UACA: variants seen among roughly 807,000 people sequenced by gnomAD.
UACA encodes the protein nuclear membrane binding protein.
Under a neutral mutation model 160.5 loss-of-function variants are expected in UACA, and 112 were observed. The ratio of observed to expected loss-of-function variants is 0.70; its 90% CI spans 0.60 to 0.82. The LOEUF (loss-of-function observed/expected upper bound fraction) is 0.82, where lower values mean the gene tolerates loss of function less well. Ranked by LOEUF, UACA falls within the 40% of genes least tolerant of loss-of-function variation. UACA has a pLI of 0.00. For synonymous variants in UACA, 557 were observed against 568.4 expected (o/e 0.98, Z 0.29); for missense variants, 1,574 against 1,614.6 (o/e 0.97, Z 0.43).
Position 70,669,371 on chromosome 15 carries a change from T to G in UACA, c.1313A>C (p.Glu438Ala). The G allele has an allele frequency of 6.2e-7, 1 of 1,614,016 alleles. No homozygotes were observed. Among genetic ancestry groups the G allele is most frequent in the Non-Finnish European group, 8.5e-7 (1 of 1,179,962 alleles). ...LSLPSQTSYS[E>A]NEILKKELEA... ...TAACTCTTTCTTTAAAATTTCATTT[T>G]CAGAGTATGACGTTTGACTGGGTAA... The change falls in exon 16 of 19, where the codon GAA becomes GCA. Residue 438 changes from glutamate to alanine, a missense_variant. Glu to Ala is a moderately radical substitution (Grantham distance 107). Transcript: ENST00000322954.
rs1899588170 is a variant in UACA, at chr15:70,743,091, T to C, written c.78+20239A>G. Reference sequence around the variant, plus strand: ...ATAGGACTGAGGTCCCCGTTTCTGATGGGTTGTTAACCACAAGCCTCTCTT... The same window carrying C: ...ATAGGACTGAGGTCCCCGTTTCTGACGGGTTGTTAACCACAAGCCTCTCTT... On this transcript the variant is annotated intron_variant, in intron 1 of 18. Transcript: ENST00000322954. Among the ~76,000 whole-genome samples the C allele has an allele frequency of 2.6e-5, 4 of 152,220 alleles. No homozygotes were observed. The South Asian group carries it at 8.3e-4, about 32-fold the overall frequency.
intron 1 of UACA, among the ~76,000 whole-genome samples, chr15:70,722,426 T>C (rs1453089971): frequency 6.6e-6 from 1 of 151,670 alleles, no homozygotes; most frequent in East Asian, 1.9e-4. Flanking sequence ...CAAATGAGCC[T>C]CTCACCTCAG....
At position 70,669,000 on chromosome 15, in the gene UACA, T is replaced by TC; in HGVS notation, c.1683dup (p.Lys562GlufsTer10). ...TTTTGTTTGATTTGGTTTCTTAATT[T>TC]CCCCACTTCTGCTGAAGCACCTTCA... On this transcript the variant is annotated frameshift_variant, in exon 16 of 19. Coordinates refer to ENST00000322954, the MANE Select transcript of UACA (RefSeq NM_018003.4). LOFTEE classifies it high-confidence loss of function. 1 of 1,613,904 alleles carries TC rather than the reference T, an allele frequency of 6.2e-7. No homozygotes were observed. The highest frequency in any genetic ancestry group is 8.5e-7 in the Non-Finnish European group (1 of 1,179,996).
At chr15:70,699,340 T>C (rs1898243446) in intron 2 of UACA, among the ~76,000 whole-genome samples, 187 bp downstream of exon 2, 1 of 152,122 alleles carries the variant, frequency 6.6e-6, no homozygotes, top group Non-Finnish European at 1.5e-5. Flanking sequence ...TATTCTAGTG[T>C]TCCCTCTCTA....
chr15:70,684,155 T>C (rs1772216243), intron 8 of UACA, 110 bp downstream of exon 8: 1 of 899,038 alleles, frequency 1.1e-6, no homozygotes, highest in African/African-American at 1.7e-5. Context: ...ATACTGTTTA[T>C]CAGTAAGGAA....
At chr15:70,680,287 T>A (rs189157167) in intron 9 of UACA, among the ~76,000 whole-genome samples, 32 of 152,282 alleles carry the variant, frequency 2.1e-4, no homozygotes, top group Admixed American at 6.5e-5. Flanking sequence ...AAAAACAACA[T>A]AATTATTAAA....
intron 3 of UACA, among the ~76,000 whole-genome samples, chr15:70,694,155 A>G (rs962132075): frequency 1.3e-5 from 2 of 152,206 alleles, no homozygotes; most frequent in African/African-American, 4.8e-5. Flanking sequence ...AAAACAAAGT[A>G]TAACTGCAAA....
At chr15:70,748,555 G>A (rs911188335) in intron 1 of UACA, among the ~76,000 whole-genome samples, 2 of 152,150 alleles carry the variant, frequency 1.3e-5, no homozygotes, top group South Asian at 4.1e-4. Context: ...AATTTATAGA[G>A]TGCAGGTCCT....
intron 1 of UACA, among the ~76,000 whole-genome samples, chr15:70,700,316 T>TACACACACACACAC (rs1445933630): frequency 4.9e-5 from 7 of 142,586 alleles, no homozygotes; most frequent in African/African-American, 2.0e-4. Flanking sequence ...TATATATATA[T>TACACACACACACAC]ATACACACAC....
In UACA at chr15:70,664,674, C is replaced by T; in HGVS notation, c.4101G>A (p.Glu1367=). Reference sequence around the variant, plus strand: ...CCTGGTTACTCACGGCCAGCTGTTGCTCCAGAGATTTCACTTGGTGCTGCA... The same window carrying T: ...CCTGGTTACTCACGGCCAGCTGTTGTTCCAGAGATTTCACTTGGTGCTGCA... ...DTLQHQVKSL[E]QQLADADRQH... Residue 1367 remains glutamate, a synonymous_variant, in exon 17 of 19, where the codon GAG becomes GAA. Transcript: ENST00000322954. 6.2e-7 allele frequency: 1 copy of T among 1,610,906 alleles called. No homozygotes were observed. Among genetic ancestry groups the T allele is most frequent in the Non-Finnish European group, 8.5e-7 (1 of 1,178,610 alleles).
intron 1 of UACA, chr15:70,703,181 T>C (rs773772746): frequency 7.8e-7 from 1 of 1,282,690 alleles, no homozygotes; most frequent in South Asian, 1.2e-5. Flanking sequence ...TTGTGGTGGC[T>C]GTTGTTGTTG....
In UACA at chr15:70,699,384, A is replaced by G. The variant is rs867940494; in HGVS notation, c.212+143T>C. 9.4e-6 allele frequency: 8 copies of G among 846,602 alleles called. No individual in the cohort carries two copies. In the Middle Eastern group the frequency reaches 9.3e-4, roughly 99 times the overall value. The allele number at this position is 846,602 out of a possible 1,614,324, so 52.4% of individuals were successfully genotyped here. A position where few individuals can be genotyped will look rare whatever the true frequency, so the allele number is the denominator to read the frequency against. ...ATATTTTAAATTGAGAACAATTATT[A>G]GTTTGTTTGAAAGATTTTATAGTGC... On this transcript the variant is annotated intron_variant, in intron 2 of 18. Transcript: ENST00000322954.
chr15:70,710,230 G>C (rs1473772568), intron 1 of UACA, among the ~76,000 whole-genome samples: 1 of 152,110 alleles, frequency 6.6e-6, no homozygotes, highest in Non-Finnish European at 1.5e-5. Flanking sequence ...ATTCCAGCCT[G>C]TCTGTTACAG....
chr15:70,728,360 T>TC (rs751583731), intron 1 of UACA, among the ~76,000 whole-genome samples: 7 of 152,094 alleles, frequency 4.6e-5, no homozygotes, highest in Admixed American at 1.3e-4. Flanking sequence ...GATCGAGAGT[T>TC]CGAGACCAGC....
At chr15:70,683,390 G>C (rs373477862) in intron 8 of UACA, among the ~76,000 whole-genome samples, 87 of 151,996 alleles carry the variant, frequency 5.7e-4, no homozygotes, top group African/African-American at 2.0e-3. Flanking sequence ...AATTTAAAAA[G>C]CTCCTAAATT....
chr15:70,739,966 A>C lies in UACA; in HGVS notation c.78+23364T>G, dbSNP rs999115921. Among the ~76,000 whole-genome samples, 10 of 152,314 alleles carry C rather than the reference A, an allele frequency of 6.6e-5. No homozygotes were observed. The East Asian group carries it at 1.9e-3, about 29-fold the overall frequency. On this transcript the variant is annotated intron_variant, in intron 1 of 18. Coordinates refer to ENST00000322954, the MANE Select transcript of UACA (RefSeq NM_018003.4). The stretch of plus-strand genomic sequence containing the variant: ...ATCAATAACAAATGTAAAACACAGC[A>C]CAGAAAACTGCTGTAAAAAACAACA...
intron 1 of UACA, among the ~76,000 whole-genome samples, chr15:70,747,891 A>AAG (rs1899760166): frequency 6.6e-6 from 1 of 152,236 alleles, no homozygotes; most frequent in Admixed American, 6.5e-5. Flanking sequence ...CCAGAGAAAC[A>AAG]CTAATCCTAT....
chr15:70,756,367 GCCAGGCTGGTCTCGAACT>G (rs2030430701), intron 1 of UACA, among the ~76,000 whole-genome samples: 1 of 151,418 alleles, frequency 6.6e-6, no homozygotes, highest in African/African-American at 2.4e-5. Flanking sequence ...TACCATGTTG[GCCAGGCTGGTCTCGAACT>G]CCTGACCTCA....
intron 1 of UACA, among the ~76,000 whole-genome samples, chr15:70,728,696 A>C (rs1237791282): frequency 6.6e-6 from 1 of 152,150 alleles, no homozygotes; most frequent in Non-Finnish European, 1.5e-5. Context: ...GAAAAGTGGG[A>C]CCTAATTAAG....
Sources: allele counts gnomAD v4.1 joint callset (sites outside exome capture counted in the v4.1 genomes callset), GRCh38; gene constraint gnomAD v4.1.1; transcripts MANE v1.5; gene names NCBI Gene and HGNC (gene_info 2026-07-23, HGNC 2026-07-21).